Variants in EXOC6 observed in about 807,000 individuals in gnomAD.
EXOC6 encodes the protein exocyst complex component 6.
EXOC6 carries 60 observed loss-of-function variants against 112.5 expected under a neutral mutation model. The observed-to-expected ratio is 0.53, with a 90% CI of 0.43 to 0.66. EXOC6 has a LOEUF of 0.66. Ranked by LOEUF, EXOC6 falls within the 30% of genes least tolerant of loss-of-function variation. The pLI, the probability that EXOC6 is intolerant of heterozygous loss-of-function variation, is 0.00. For synonymous variants in EXOC6, 295 were observed against 308.0 expected, an observed-to-expected ratio of 0.96 and a Z score of 0.44; for missense variants, 855 against 957.1, an observed-to-expected ratio of 0.89 and a Z score of 1.41.
At chr10:92,827,469 G>A (rs1272980344) in intron 1 of EXOC6, among the ~76,000 whole-genome samples, 1 of 27,906 alleles carries the variant, frequency 3.6e-5, no homozygotes, top group African/African-American at 8.3e-5. Flanking sequence ...GTGAGGCCCT[G>A]TTGCCAAAAA....
At chr10:92,896,389 G>T (rs540008388) in intron 4 of EXOC6, among the ~76,000 whole-genome samples, 87 of 148,956 alleles carry the variant, frequency 5.8e-4, no homozygotes, top group Middle Eastern at 3.4e-3. Flanking sequence ...TAGAGGTGGG[G>T]TTTCACTATT....
chr10:92,921,898 A>G (rs1206749764), intron 8 of EXOC6, among the ~76,000 whole-genome samples: 2 of 151,954 alleles, frequency 1.3e-5, no homozygotes, highest in South Asian at 2.1e-4. Flanking sequence ...TCATTAGCAC[A>G]ATAACTTCTG....
chr10:93,059,456 T>C lies in EXOC6; in HGVS notation c.*1101T>C, dbSNP rs1846682180. ...ATATGTACATCTCTGGATTTTGTGA[T>C]GAAATATTAAAAATATTGAGCAAGT... On this transcript the variant is annotated 3_prime_UTR_variant, in exon 22 of 22. Coordinates refer to ENST00000260762, the MANE Select transcript of EXOC6 (RefSeq NM_019053.6). The C allele has an allele frequency of 2.6e-5, 4 of 152,218 alleles. No homozygotes were observed. Among genetic ancestry groups the C allele is most frequent in the African/African-American group, 9.6e-5 (4 of 41,460 alleles). The allele number at this position is 152,218 out of a possible 1,614,324, so 9.4% of individuals were successfully genotyped here.
rs1844757629 is a variant in EXOC6, at chr10:93,020,965, G to A, written c.2169+6698G>A. On this transcript the variant is annotated intron_variant, in intron 20 of 21. Transcript: ENST00000260762. ...CTGCTTGAAGTTTGGACCTGTCAAG[G>A]AAGAAAACGGTTACCTCTGGTTCCT... 2.6e-5 allele frequency among the ~76,000 whole-genome samples: 4 copies of A among 151,252 alleles called. No homozygotes were observed. The Admixed American group carries it at 2.6e-4, about 10-fold the overall frequency.
intron 1 of EXOC6, among the ~76,000 whole-genome samples, chr10:92,871,847 T>C (rs759434289): frequency 6.6e-6 from 1 of 152,154 alleles, no homozygotes; most frequent in African/African-American, 2.4e-5. Flanking sequence ...ATTTCTTCTC[T>C]TTCAATGGTT....
chr10:92,903,316 C>A (rs1225621604), intron 5 of EXOC6, among the ~76,000 whole-genome samples: 2 of 151,660 alleles, frequency 1.3e-5, no homozygotes, highest in Non-Finnish European at 2.9e-5. Context: ...AATAGTATCT[C>A]ATTGTTTCAA....
chr10:92,989,153 C>T (rs1053643566), intron 18 of EXOC6, among the ~76,000 whole-genome samples: 6 of 152,100 alleles, frequency 3.9e-5, no homozygotes, highest in Non-Finnish European at 8.8e-5. Flanking sequence ...TTTGTATATT[C>T]GGTAATACTT....
At chr10:92,968,331 C>T (rs1842149726) in intron 17 of EXOC6, among the ~76,000 whole-genome samples, 2 of 152,002 alleles carry the variant, frequency 1.3e-5, no homozygotes, top group Non-Finnish European at 2.9e-5. Flanking sequence ...ACTATAGGCA[C>T]AAGCCACCAT....
chr10:92,865,616 A>C (rs1020082859), intron 1 of EXOC6, among the ~76,000 whole-genome samples: 6 of 147,614 alleles, frequency 4.1e-5, no homozygotes, highest in Non-Finnish European at 7.5e-5. Context: ...TAATTTTTGC[A>C]TTTTTTTTTT....
At chr10:92,994,049 G>A (rs1211149419) in intron 18 of EXOC6, among the ~76,000 whole-genome samples, 1 of 152,176 alleles carries the variant, frequency 6.6e-6, no homozygotes, top group Non-Finnish European at 1.5e-5. Flanking sequence ...TTGTGTTACT[G>A]GTCTCAGTCT....
At chr10:92,919,287 T>C (rs922126620) in intron 7 of EXOC6, among the ~76,000 whole-genome samples, 1 of 150,212 alleles carries the variant, frequency 6.7e-6, no homozygotes, top group Non-Finnish European at 1.5e-5. Flanking sequence ...GTTTTTATCA[T>C]TTTCCCTAAT....
chr10:92,930,535 AAG>A, intron 9 of EXOC6, among the ~76,000 whole-genome samples: 1 of 150,634 alleles, frequency 6.6e-6, no homozygotes, highest in Non-Finnish European at 1.5e-5. Flanking sequence ...TAAATAGAAA[AAG>A]CTTGAAATCA....
At chr10:93,012,924 T>C (rs1169786496) in intron 19 of EXOC6, among the ~76,000 whole-genome samples, 1 of 152,006 alleles carries the variant, frequency 6.6e-6, no homozygotes, top group African/African-American at 2.4e-5. Flanking sequence ...GATGCATGCC[T>C]GTAGTCCCAG....
chr10:92,934,529 G>A, intron 11 of EXOC6, 99 bp downstream of exon 11: 1 of 1,034,894 alleles, frequency 9.7e-7, no homozygotes, highest in South Asian at 2.8e-5. Flanking sequence ...CCATCATTCT[G>A]CATTTTTTTA....
At chr10:92,918,744 A>G (rs929336073) in intron 7 of EXOC6, among the ~76,000 whole-genome samples, 7 of 152,170 alleles carry the variant, frequency 4.6e-5, no homozygotes, top group Admixed American at 6.5e-5. Context: ...TTTCTGCTGT[A>G]TATCTGAGGA....
In EXOC6 at chr10:92,931,107, T is replaced by A. The variant is rs1263571830; in HGVS notation, c.972+2685T>A. Among the ~76,000 whole-genome samples the A allele has an allele frequency of 1.6e-4, 15 of 93,944 alleles. No homozygotes were observed. In the East Asian group the frequency reaches 4.0e-3, roughly 25 times the overall value. 61.6% of individuals were successfully genotyped at this position (93,944 alleles called of 152,430 possible). A position where few individuals can be genotyped will look rare whatever the true frequency, so the allele number is the denominator to read the frequency against. On this transcript the variant is annotated intron_variant, in intron 9 of 21. Coordinates refer to ENST00000260762, the MANE Select transcript of EXOC6 (RefSeq NM_019053.6). ...AGCCTGGCGACAGAGCAAGACTCCA[T>A]CTCAGAAGAAAAAAAAAAAAAAAAA...
At chr10:92,986,930 G>A (rs765474387) in intron 18 of EXOC6, among the ~76,000 whole-genome samples, 8 of 151,840 alleles carry the variant, frequency 5.3e-5, no homozygotes, top group Non-Finnish European at 1.0e-4. Flanking sequence ...ACTTTGACTT[G>A]CTATTCACTC....
intron 1 of EXOC6, among the ~76,000 whole-genome samples, chr10:92,876,003 G>A (rs151310856): frequency 6.6e-6 from 1 of 152,136 alleles, no homozygotes; most frequent in East Asian, 1.9e-4. Flanking sequence ...GTGTATTTCT[G>A]AGTTTGTCCT....
intron 19 of EXOC6, among the ~76,000 whole-genome samples, chr10:93,013,030 A>G (rs1844329796): frequency 6.6e-6 from 1 of 151,960 alleles, no homozygotes; most frequent in African/African-American, 2.4e-5. Flanking sequence ...GAGAAAAAGA[A>G]AAAAAAGAAG....
Sources: gnomAD v4.1 joint callset for allele counts (sites outside exome capture counted in the v4.1 genomes callset) on GRCh38, gnomAD v4.1.1 for gene constraint, MANE v1.5 for transcripts, NCBI Gene and HGNC (gene_info 2026-07-23, HGNC 2026-07-21) for gene names.